The following NLGN1 variants were observed in gnomAD, a reference collection of about 807,000 sequenced individuals.
NLGN1 encodes the protein neuroligin-1.
Under a neutral mutation model 65.5 loss-of-function variants are expected in NLGN1, and 12 were observed. That is an observed-to-expected ratio of 0.18 (90% CI 0.12 to 0.30). The LOEUF is 0.30. NLGN1 is among the 10% of genes least tolerant of loss of function. The probability of loss-of-function intolerance (pLI) is 1.00; values close to 1 mark genes in which losing one functional copy is unlikely to be tolerated. For missense variants in NLGN1, 750 were observed against 1,007.1 expected (o/e 0.74, Z 3.46); for synonymous variants, 350 against 359.5 (o/e 0.97, Z 0.30).
chr3:173,968,555 GA>G (rs11459355), intron 4 of NLGN1, among the ~76,000 whole-genome samples: 8 of 150,800 alleles, frequency 5.3e-5, no homozygotes, highest in Non-Finnish European at 1.0e-4. Flanking sequence ...GTGTTAATCA[GA>G]AAAAAAATAC....
At chr3:173,786,322 CT>C (rs954460284) in intron 3 of NLGN1, among the ~76,000 whole-genome samples, 1 of 151,852 alleles carries the variant, frequency 6.6e-6, no homozygotes, top group Non-Finnish European at 1.5e-5. Context: ...TTCTTTCCTT[CT>C]TTTTTTTAAG....
At chr3:173,890,238 T>C (rs1468001530) in intron 4 of NLGN1, among the ~76,000 whole-genome samples, 1 of 152,104 alleles carries the variant, frequency 6.6e-6, no homozygotes, top group East Asian at 1.9e-4. Flanking sequence ...TTTCAGTCGT[T>C]CAGATAATAA....
intron 3 of NLGN1, among the ~76,000 whole-genome samples, chr3:173,645,014 C>T (rs1021676391): frequency 7.2e-5 from 11 of 152,192 alleles, no homozygotes; most frequent in Non-Finnish European, 1.5e-4. Context: ...TTGGACTGTA[C>T]AGTTGACTTT....
chr3:173,526,181 T>C (rs1423585889), intron 2 of NLGN1, among the ~76,000 whole-genome samples: 1 of 152,126 alleles, frequency 6.6e-6, no homozygotes, highest in African/African-American at 2.4e-5. Context: ...CCTACTTCTG[T>C]ATTATTGAAT....
chr3:173,657,133 G>A (rs1042369226), intron 3 of NLGN1, among the ~76,000 whole-genome samples: 1 of 151,904 alleles, frequency 6.6e-6, no homozygotes, highest in Non-Finnish European at 1.5e-5. Context: ...AGAACTTTGG[G>A]ATCTCATGGT....
intron 1 of NLGN1, among the ~76,000 whole-genome samples, chr3:173,412,311 GACACACAC>G (rs71162345): frequency 0.015 from 2,141 of 147,630 alleles, 44 homozygotes; most frequent in African/African-American, 0.045. Context: ...CTCTCACTCT[GACACACAC>G]ACACACACAC....
chr3:174,102,475 T>A (rs976850851), intron 4 of NLGN1, among the ~76,000 whole-genome samples: 3 of 152,168 alleles, frequency 2.0e-5, no homozygotes, highest in African/African-American at 7.2e-5. Flanking sequence ...AATTATGGCT[T>A]GTCAGCAGAT....
intron 2 of NLGN1, among the ~76,000 whole-genome samples, chr3:173,521,318 A>T (rs1734720379): frequency 6.6e-6 from 1 of 152,214 alleles, no homozygotes; most frequent in African/African-American, 2.4e-5. Flanking sequence ...ATTAGAATGA[A>T]GATATTTGAG....
At chr3:173,714,838 A>G (rs146479308) in intron 3 of NLGN1, among the ~76,000 whole-genome samples, 1 of 152,126 alleles carries the variant, frequency 6.6e-6, no homozygotes, top group South Asian at 2.1e-4. Flanking sequence ...AAAAGGAGGT[A>G]AATGAGCAGG....
chr3:174,122,662 G>A (rs533262859), intron 4 of NLGN1, among the ~76,000 whole-genome samples: 3 of 152,186 alleles, frequency 2.0e-5, no homozygotes, highest in East Asian at 1.9e-4. Flanking sequence ...TAACAATGAC[G>A]TTGTTTTTAA....
intron 4 of NLGN1, among the ~76,000 whole-genome samples, chr3:174,265,954 G>A (rs1170159837): frequency 4.1e-5 from 6 of 146,900 alleles, no homozygotes; most frequent in African/African-American, 1.5e-4. Flanking sequence ...ATATGTGTAT[G>A]TGTATATATG....
chr3:173,888,889 C>G (rs1489082520), intron 4 of NLGN1, among the ~76,000 whole-genome samples: 2 of 152,080 alleles, frequency 1.3e-5, no homozygotes, highest in Non-Finnish European at 2.9e-5. Flanking sequence ...CTATTGACAG[C>G]TCACCATTTA....
upstream of NLGN1, among the ~76,000 whole-genome samples, chr3:173,397,438 C>T (rs1397926939): frequency 2.6e-5 from 4 of 152,046 alleles, no homozygotes; most frequent in South Asian, 2.1e-4. Context: ...TCTTCTGTGC[C>T]GCTAACCTCT....
chr3:174,203,170 G>A (rs571283356), intron 4 of NLGN1, among the ~76,000 whole-genome samples: 1 of 152,212 alleles, frequency 6.6e-6, no homozygotes, highest in Non-Finnish European at 1.5e-5. Context: ...TCACATTCCT[G>A]ACATCAGCAG....
At position 174,030,420 on chromosome 3, in the gene NLGN1, A is replaced by G. The variant is rs2152471750; in HGVS notation, c.646+222588A>G. ...ATTCCAGATGTGAGCCACCTCGCCC[A>G]GCCAGCTATTCTTAATACACTCCAT... On this transcript the variant is annotated intron_variant, in intron 4 of 6. Transcript: ENST00000457714. Among the ~76,000 whole-genome samples the G allele has an allele frequency of 1.3e-5, 2 of 152,290 alleles. 1 individual carries two copies. The highest frequency in any genetic ancestry group is 4.1e-4 in the South Asian group (2 of 4,824).
intron 4 of NLGN1, among the ~76,000 whole-genome samples, chr3:173,887,006 G>A (rs897284527): frequency 2.0e-5 from 3 of 151,762 alleles, no homozygotes; most frequent in Non-Finnish European, 2.9e-5. Flanking sequence ...TTTGTCATAC[G>A]AATCAACCTT....
intron 4 of NLGN1, among the ~76,000 whole-genome samples, chr3:174,056,487 C>T (rs1736111483): frequency 6.6e-6 from 1 of 151,908 alleles, no homozygotes; most frequent in East Asian, 1.9e-4. Flanking sequence ...TCGCCTAACT[C>T]AGGGACATAA....
chr3:173,922,145 C>T (rs189771594), intron 4 of NLGN1, among the ~76,000 whole-genome samples: 120 of 151,898 alleles, frequency 7.9e-4, no homozygotes, highest in Middle Eastern at 3.4e-3. Context: ...CACATATTAA[C>T]GAATAATATA....
chr3:174,276,280 T>C (rs997844602), intron 5 of NLGN1, among the ~76,000 whole-genome samples: 3 of 151,940 alleles, frequency 2.0e-5, no homozygotes, highest in Non-Finnish European at 4.4e-5. Flanking sequence ...GCTTACCATG[T>C]TGTTCTTTAT....
Sources: gnomAD v4.1 joint callset for allele counts (sites outside exome capture counted in the v4.1 genomes callset) on GRCh38, gnomAD v4.1.1 for gene constraint, MANE v1.5 for transcripts, NCBI Gene and HGNC (gene_info 2026-07-23, HGNC 2026-07-21) for gene names.